The following ZNF684 variants were observed in gnomAD, a reference collection of about 807,000 sequenced individuals.
ZNF684 encodes the protein zinc finger protein 684.
ZNF684 carries 13 observed loss-of-function variants against 12.8 expected under a neutral mutation model. That is an observed-to-expected ratio of 1.02 (90% CI 0.66 to 1.62). The LOEUF (loss-of-function observed/expected upper bound fraction) is 1.62, where lower values mean the gene tolerates loss of function less well. Ranked by LOEUF, ZNF684 falls within the 40% of genes most tolerant of loss-of-function variation. The pLI is 0.00. For missense variants in ZNF684, 384 were observed against 446.9 expected (o/e 0.86, Z 1.27); for synonymous variants, 118 against 151.8 (o/e 0.78, Z 1.64).
At chr1:40,533,328 T>A (rs1645967409) in intron 2 of ZNF684, 147 bp downstream of exon 2, 1 of 807,956 alleles carries the variant, frequency 1.2e-6, no homozygotes, top group South Asian at 1.8e-5. Flanking sequence ...GATATTCAAG[T>A]CATAGGGTTT....
chr1:40,536,094 G>C (rs1267172298), intron 2 of ZNF684, among the ~76,000 whole-genome samples: 3 of 152,058 alleles, frequency 2.0e-5, no homozygotes, highest in Non-Finnish European at 4.4e-5. Flanking sequence ...TGGAATTATG[G>C]TTAAAAGGAC....
rs915056271 is a variant in ZNF684 at position 40,540,835 on chromosome 1, A to C, written c.142+123A>C. On this transcript the variant is annotated intron_variant, in intron 3 of 4. Transcript: ENST00000372699. ...ATGCTTATAATCCCAGCACTTTGGG[A>C]GGCAGGAGAATTGCTTGAGCCCAGG... 4.9e-6 allele frequency: 5 copies of C among 1,014,474 alleles called. No individual in the cohort carries two copies. The East Asian group carries it at 1.6e-4, about 32-fold the overall frequency. The allele number at this position is 1,014,474 out of a possible 1,614,324, so 62.8% of individuals were successfully genotyped here.
intron 4 of ZNF684, among the ~76,000 whole-genome samples, chr1:40,543,778 A>C (rs535027890): frequency 8.9e-4 from 135 of 152,260 alleles, no homozygotes; most frequent in Admixed American, 2.0e-3. Flanking sequence ...TCTTCTCTGC[A>C]TCAATCCTTC....
At chr1:40,535,248 G>C (rs1645977834) in intron 2 of ZNF684, among the ~76,000 whole-genome samples, 1 of 152,176 alleles carries the variant, frequency 6.6e-6, no homozygotes, top group African/African-American at 2.4e-5. Context: ...ACTGGTTGCA[G>C]AACTCCTGCA....
intron 1 of ZNF684, among the ~76,000 whole-genome samples, chr1:40,532,833 T>C (rs1385598991): frequency 6.6e-6 from 1 of 152,160 alleles, no homozygotes; most frequent in African/African-American, 2.4e-5. Flanking sequence ...TCATTATTTC[T>C]TCAGGATAAA....
At chr1:40,545,983 C>T (rs1019369976) in intron 4 of ZNF684, among the ~76,000 whole-genome samples, 12 of 128,796 alleles carry the variant, frequency 9.3e-5, no homozygotes, top group African/African-American at 2.8e-4. Context: ...AGTACAATGG[C>T]GTGATCTCGG....
chr1:40,536,116 G>A (rs535698665), intron 2 of ZNF684, among the ~76,000 whole-genome samples: 4 of 152,062 alleles, frequency 2.6e-5, no homozygotes, highest in South Asian at 2.1e-4. Flanking sequence ...TATTTTAGCC[G>A]GGTGCAGTGG....
At chr1:40,535,237 G>T (rs945518274) in intron 2 of ZNF684, among the ~76,000 whole-genome samples, 2 of 152,178 alleles carry the variant, frequency 1.3e-5, no homozygotes, top group Non-Finnish European at 2.9e-5. Flanking sequence ...ATCCATGGGA[G>T]ACTGGTTGCA....
intron 4 of ZNF684, among the ~76,000 whole-genome samples, chr1:40,542,802 T>C (rs1646023608): frequency 6.6e-6 from 1 of 152,194 alleles, no homozygotes; most frequent in African/African-American, 2.4e-5. Context: ...TTCCTGTCAA[T>C]AGTTTCTCCT....
intron 2 of ZNF684, among the ~76,000 whole-genome samples, chr1:40,539,231 A>G (rs968964410): frequency 6.6e-6 from 1 of 151,798 alleles, no homozygotes; most frequent in Non-Finnish European, 1.5e-5. Flanking sequence ...GAGTTTCACC[A>G]TGTTAGCCAG....
chr1:40,539,603 AT>A (rs1174655696), intron 2 of ZNF684, among the ~76,000 whole-genome samples: 1 of 152,196 alleles, frequency 6.6e-6, no homozygotes, highest in Non-Finnish European at 1.5e-5. Context: ...GTTTCTCCAC[AT>A]CCTTGCCAAC....
At chr1:40,540,833 G>C in intron 3 of ZNF684, 121 bp downstream of exon 3, 1 of 1,020,176 alleles carries the variant, frequency 9.8e-7, no homozygotes, top group African/African-American at 1.7e-5. Context: ...CAGCACTTTG[G>C]GAGGCAGGAG....
chr1:40,540,990 C>T (rs1410030179), intron 3 of ZNF684, among the ~76,000 whole-genome samples: 1 of 144,954 alleles, frequency 6.9e-6, no homozygotes, highest in Non-Finnish European at 1.5e-5. Context: ...CTAGGTGTAC[C>T]ACTGCATTCC....
At chr1:40,542,284 T>C (rs1342639061) in intron 4 of ZNF684, among the ~76,000 whole-genome samples, 3 of 152,228 alleles carry the variant, frequency 2.0e-5, no homozygotes, top group Non-Finnish European at 2.9e-5. Flanking sequence ...TCAAAACTTT[T>C]AGGTACATCA....
At chr1:40,543,031 T>C (rs935031356) in intron 4 of ZNF684, among the ~76,000 whole-genome samples, 1 of 151,858 alleles carries the variant, frequency 6.6e-6, no homozygotes. Flanking sequence ...AGAGACAGGG[T>C]CTTACTCCAT....
chr1:40,539,740 A>AT (rs11456587), intron 2 of ZNF684, among the ~76,000 whole-genome samples: 6,107 of 150,188 alleles, frequency 0.041, 145 homozygotes, highest in Middle Eastern at 0.068. Context: ...TTTTCTTTTT[A>AT]TTTTTTTTTC....
chr1:40,546,588 C>G lies in ZNF684; in HGVS notation c.265C>G (p.Pro89Ala). The change falls in exon 5 of 5, where the codon CCA (proline) becomes GCA (alanine). Residue 89 changes from proline (P) to alanine (A), a missense_variant. Transcript: ENST00000372699. The part of the protein sequence containing the change: ...PESDYPLVDE[P>A]GKHRESKDNF... ...ATCTGACTACCCACTTGTTGATGAA[C>G]CAGGGAAGCATCGGGAAAGCAAAGA... 1.3e-6 allele frequency: 2 copies of G among 1,566,956 alleles called. No individual in the cohort carries two copies. Among genetic ancestry groups the G allele is most frequent in the Non-Finnish European group, 1.7e-6 (2 of 1,160,568 alleles).
In ZNF684 at chr1:40,546,891, A is replaced by G; in HGVS notation, c.568A>G (p.Asn190Asp). Residue 190 changes from asparagine to aspartate, a missense_variant, in exon 5 of 5, where the codon AAT becomes GAT. By Grantham distance (23) the Asn-to-Asp change is conservative. Transcript: ENST00000372699. ...TACAAGGAAAAAACCTTTTGAATGC[A>G]ATGACTGTGGAAAAGCCTATAGCAG... ...NHTRKKPFEC[N>D]DCGKAYSRKA... is the part of the protein sequence containing the mutation. 6.2e-7 allele frequency: 1 copy of G among 1,614,106 alleles called. No homozygotes were observed. The highest frequency in any genetic ancestry group is 8.5e-7 in the Non-Finnish European group (1 of 1,180,016).
At position 40,536,311 on chromosome 1, in the gene ZNF684, A is replaced by T. The variant is rs1225599080; in HGVS notation, c.15+3130A>T. On this transcript the variant is annotated intron_variant, in intron 2 of 4. Coordinates refer to ENST00000372699, the MANE Select transcript of ZNF684 (RefSeq NM_152373.4). ...CAGTAGGCTGAGGCAGGAGAATGGC[A>T]TGAACCCGGGAGGTGGAGCTTGCAG... Among the ~76,000 whole-genome samples, 3 of 150,574 alleles carry T rather than the reference A, an allele frequency of 2.0e-5. No individual in the cohort carries two copies. In the Admixed American group the frequency reaches 2.0e-4, roughly 10 times the overall value.
Sources: gnomAD v4.1 joint callset for allele counts (sites outside exome capture counted in the v4.1 genomes callset) on GRCh38, gnomAD v4.1.1 for gene constraint, MANE v1.5 for transcripts, NCBI Gene and HGNC (gene_info 2026-07-23, HGNC 2026-07-21) for gene names.